LOC128462377: variants seen among roughly 807,000 people sequenced by gnomAD.
At chr16:89,395,327 G>A in the LOC128462377 span, among the ~76,000 whole-genome samples, 5 of 152,226 alleles carry the variant, frequency 3.3e-5, no homozygotes, top group Admixed American at 1.3e-4. Context: ...GAGCAGCGTC[G>A]GTGTGGAAGG....
At chr16:89,343,532 G>C in the LOC128462377 span, among the ~76,000 whole-genome samples, 22 of 152,188 alleles carry the variant, frequency 1.4e-4, no homozygotes, top group African/African-American at 4.6e-4. Flanking sequence ...AGCTCGAGGT[G>C]GGCTGGAGGC....
the LOC128462377 span, among the ~76,000 whole-genome samples, chr16:89,368,371 GTTTTTTT>G: frequency 5.3e-4 from 30 of 56,594 alleles, no homozygotes; most frequent in South Asian, 1.7e-3. Context: ...TAATTTTTGT[GTTTTTTT>G]TTTTTTTTTT....
chr16:89,326,779 G>C, the LOC128462377 span, among the ~76,000 whole-genome samples: 1 of 152,048 alleles, frequency 6.6e-6, no homozygotes, highest in Non-Finnish European at 1.5e-5. Flanking sequence ...AACACAACCG[G>C]GGCATGAAAA....
chr16:89,381,826 G>A, the LOC128462377 span, among the ~76,000 whole-genome samples: 1 of 152,338 alleles, frequency 6.6e-6, no homozygotes, highest in Admixed American at 6.5e-5. Flanking sequence ...GGGGGAAGAG[G>A]TAGAGGTCAG....
chr16:89,412,824 C>A, the LOC128462377 span, among the ~76,000 whole-genome samples: 1 of 152,126 alleles, frequency 6.6e-6, no homozygotes. Flanking sequence ...AATATTATAA[C>A]CTACAAACAA....
chr16:89,378,911 G>A, the LOC128462377 span, among the ~76,000 whole-genome samples: 3 of 148,840 alleles, frequency 2.0e-5, no homozygotes, highest in East Asian at 6.2e-4. Context: ...CTCTTCAGGG[G>A]TTGGTGGGTG....
chr16:89,328,455 G>A, the LOC128462377 span, among the ~76,000 whole-genome samples: 662 of 152,352 alleles, frequency 4.3e-3, 6 homozygotes, highest in African/African-American at 0.015. Context: ...AGGTGTCCCA[G>A]CGGTGTCCTC....
chr16:89,401,886 A>G, the LOC128462377 span, among the ~76,000 whole-genome samples: 890 of 120,708 alleles, frequency 7.4e-3, no homozygotes, highest in African/African-American at 9.0e-3. Flanking sequence ...CCCGCCGGGC[A>G]CACCAGAGAC....
chr16:89,343,819 T>C, the LOC128462377 span: 1 of 152,328 alleles, frequency 6.6e-6, no homozygotes, highest in African/African-American at 2.4e-5. Flanking sequence ...GCGTCGCCCA[T>C]GTCTGACACA....
chr16:89,323,484 C>CAGGGCAGGGGGGCAGAGCCG, the LOC128462377 span, among the ~76,000 whole-genome samples: 1 of 53,228 alleles, frequency 1.9e-5, no homozygotes, highest in African/African-American at 1.0e-4. Flanking sequence ...GGGCAGAGCC[C>CAGGGCAGGGGGGCAGAGCCG]AGGGCAGGGG....
chr16:89,398,725 C>T, the LOC128462377 span, among the ~76,000 whole-genome samples: 4 of 151,798 alleles, frequency 2.6e-5, no homozygotes, highest in African/African-American at 9.7e-5. Flanking sequence ...GCCTCAGTGA[C>T]AGAGAGAGAT....
the LOC128462377 span, among the ~76,000 whole-genome samples, chr16:89,413,468 AC>A: frequency 1.3e-5 from 2 of 152,276 alleles, no homozygotes; most frequent in Middle Eastern, 3.4e-3. Flanking sequence ...TACTAAAGAT[AC>A]AAAAAATTAG....
At chr16:89,346,310 C>T in the LOC128462377 span, among the ~76,000 whole-genome samples, 1 of 150,000 alleles carries the variant, frequency 6.7e-6, no homozygotes, top group African/African-American at 2.5e-5. Flanking sequence ...AGCCACGGAG[C>T]AGATATTAAA....
chr16:89,343,235 C>G, the LOC128462377 span, among the ~76,000 whole-genome samples: 1 of 152,204 alleles, frequency 6.6e-6, no homozygotes, highest in African/African-American at 2.4e-5. Context: ...AAGAGTGATC[C>G]ACCCAGCTCG....
At chr16:89,344,191 C>A in the LOC128462377 span, among the ~76,000 whole-genome samples, 8 of 152,320 alleles carry the variant, frequency 5.3e-5, no homozygotes, top group African/African-American at 1.9e-4. Flanking sequence ...AGATTCCCAG[C>A]CCCTAAGTCA....
chr16:89,343,237 C>G, the LOC128462377 span, among the ~76,000 whole-genome samples: 2 of 152,228 alleles, frequency 1.3e-5, no homozygotes, highest in African/African-American at 4.8e-5. Context: ...GAGTGATCCA[C>G]CCAGCTCGGC....
the LOC128462377 span, among the ~76,000 whole-genome samples, chr16:89,411,630 T>A: frequency 6.6e-6 from 1 of 152,002 alleles, no homozygotes; most frequent in Non-Finnish European, 1.5e-5. Context: ...CCCAGGCTGG[T>A]CTCGAACTCC....
chr16:89,329,747 G>A, the LOC128462377 span, among the ~76,000 whole-genome samples: 1 of 152,204 alleles, frequency 6.6e-6, no homozygotes, highest in Non-Finnish European at 1.5e-5. Context: ...GAGACTGGGT[G>A]CAGTGAATCC....
chr16:89,357,662 A>G, the LOC128462377 span, among the ~76,000 whole-genome samples: 1 of 152,224 alleles, frequency 6.6e-6, no homozygotes, highest in Non-Finnish European at 1.5e-5. Flanking sequence ...TGCACACAGC[A>G]TAACGCGACT....
Sources: gnomAD v4.1 joint callset for allele counts (sites outside exome capture counted in the v4.1 genomes callset) on GRCh38, gnomAD v4.1.1 for gene constraint, MANE v1.5 for transcripts.